UBAP2: variants seen among roughly 807,000 people sequenced by gnomAD.
The protein encoded by UBAP2 is ubiquitin-associated protein 2.
UBAP2 carries 75 observed loss-of-function variants against 139.6 expected under a neutral mutation model. The observed-to-expected ratio is 0.54, with a 90% CI of 0.45 to 0.65. The LOEUF is 0.65. Among genes scored for constraint, UBAP2 ranks in the 30% least tolerant of loss-of-function variants. UBAP2 has a pLI of 0.00. For missense variants in UBAP2, 1,368 were observed against 1,369.6 expected (o/e 1.00, Z 0.02); for synonymous variants, 526 against 526.2 (o/e 1.00, Z 0.01).
intron 8 of UBAP2, chr9:33,968,235 T>C (rs1300059065): frequency 1.4e-5 from 9 of 621,440 alleles, no homozygotes; most frequent in Middle Eastern, 2.7e-4. Context: ...AAACCCTCCA[T>C]TGTAAACAGG....
intron 2 of UBAP2, 145 bp from the exon 3 acceptor site, chr9:33,999,009 C>G (rs1822443770): frequency 3.5e-6 from 2 of 575,058 alleles, no homozygotes; most frequent in Middle Eastern, 2.8e-4. Context: ...GCCTCTCAAC[C>G]ATATATAACC....
At chr9:33,988,250 T>C (rs1197905533) in intron 5 of UBAP2, among the ~76,000 whole-genome samples, 1 of 152,236 alleles carries the variant, frequency 6.6e-6, no homozygotes, top group Non-Finnish European at 1.5e-5. Flanking sequence ...TATTCATTGC[T>C]GTATGCCTAT....
chr9:33,923,483 G>C lies in UBAP2; in HGVS notation c.2797-5C>G, dbSNP rs776067164. 62 of 1,613,856 alleles carry C rather than the reference G, an allele frequency of 3.8e-5. 2 individuals carry two copies. In the South Asian group the frequency reaches 4.4e-4, roughly 11 times the overall value. On this transcript the variant is annotated splice_polypyrimidine_tract_variant and splice_region_variant and intron_variant, in intron 24 of 28. Transcript: ENST00000379238. ...CTTGGCTGAGGCTGGAGGGACCTGG[G>C]GGGGCAAGCAGATGAGGTATTAGTG...
At chr9:34,044,359 C>T (rs943372758) in intron 1 of UBAP2, among the ~76,000 whole-genome samples, 13 of 151,724 alleles carry the variant, frequency 8.6e-5, no homozygotes, top group African/African-American at 3.1e-4. Context: ...CGAGATAGCG[C>T]CACTGCACTC....
intron 14 of UBAP2, 117 bp from the exon 15 acceptor site, chr9:33,943,706 GTGAGAAACAAGGAGA>G: frequency 1.1e-6 from 1 of 899,126 alleles, no homozygotes; most frequent in Non-Finnish European, 1.7e-6. Context: ...AGAAGAAGGA[GTGAGAAACAAGGAGA>G]AAATAGGCTA....
intron 15 of UBAP2, among the ~76,000 whole-genome samples, chr9:33,942,328 T>G (rs1398008228): frequency 1.3e-5 from 2 of 149,054 alleles, no homozygotes; most frequent in Non-Finnish European, 1.5e-5. Context: ...AGAAAAAAAA[T>G]AAGAAGATTC....
chr9:34,043,991 G>C (rs899933598), intron 1 of UBAP2, among the ~76,000 whole-genome samples: 1 of 150,584 alleles, frequency 6.6e-6, no homozygotes, highest in Non-Finnish European at 1.5e-5. Flanking sequence ...ATCAGAGCAC[G>C]GTGGCAGGCT....
intron 10 of UBAP2, among the ~76,000 whole-genome samples, chr9:33,958,485 A>T (rs997165269): frequency 6.6e-6 from 1 of 150,402 alleles, no homozygotes; most frequent in Non-Finnish European, 1.5e-5. Flanking sequence ...ATCTTGTCTC[A>T]CTGCAAGTGC....
intron 19 of UBAP2, among the ~76,000 whole-genome samples, chr9:33,930,958 G>C (rs1823928660): frequency 6.6e-6 from 1 of 151,100 alleles, no homozygotes; most frequent in African/African-American, 2.4e-5. Context: ...TATGCACTGC[G>C]TGTTTTGACT....
chr9:34,024,913 G>A (rs908365497), intron 1 of UBAP2, among the ~76,000 whole-genome samples: 1 of 152,020 alleles, frequency 6.6e-6, no homozygotes, highest in Non-Finnish European at 1.5e-5. Context: ...GAACCCGAGA[G>A]GCGGAGGTTG....
rs1824194532 is a variant in UBAP2 at position 33,933,592 on chromosome 9, G to A, written c.2006C>T (p.Ser669Phe). 2 of 1,613,934 alleles carry A rather than the reference G, an allele frequency of 1.2e-6. No individual in the cohort carries two copies. Among genetic ancestry groups the A allele is most frequent in the African/African-American group, 1.3e-5 (1 of 74,936 alleles). ...KTTGPPSALP[S>F]VSSLPSTTSC... ...GGTGGTGCTGGGCAGGGAGCTCACA[G>A]ACGGGAGGGCAGAGGGAGGGCCTGT... The change falls in exon 18 of 29, where the codon TCT becomes TTT. Residue 669 changes from serine (S) to phenylalanine (F), a missense_variant. Transcript: ENST00000379238.
intron 16 of UBAP2, chr9:33,938,953 G>A: frequency 1.1e-5 from 5 of 445,176 alleles, no homozygotes; most frequent in Non-Finnish European, 2.2e-5. Flanking sequence ...GGCTGTGGAA[G>A]GGGAAGAGAA....
At chr9:33,934,714 G>A (rs1237277973) in intron 17 of UBAP2, among the ~76,000 whole-genome samples, 1 of 152,206 alleles carries the variant, frequency 6.6e-6, no homozygotes, top group Non-Finnish European at 1.5e-5. Flanking sequence ...AAGTGAGGGA[G>A]AAGAGAGTAT....
chr9:33,935,868 CCAT>C lies in UBAP2; in HGVS notation c.1937_1939del (p.His646_Gly647delinsArg). The C allele has an allele frequency of 6.2e-7, 1 of 1,613,174 alleles. No homozygotes were observed. Among genetic ancestry groups the C allele is most frequent in the Non-Finnish European group, 8.5e-7 (1 of 1,179,822 alleles). On this transcript the variant is annotated inframe_deletion, in exon 17 of 29. Coordinates refer to ENST00000379238, the MANE Select transcript of UBAP2 (RefSeq NM_001370062.2). ...TAGTGTCTGCTGACTTCGACCACCA[CCAT>C]GTCCATTCTATAAGGAAAAGAAGAG...
chr9:34,034,426 G>T (rs1187435664), intron 1 of UBAP2, among the ~76,000 whole-genome samples: 3 of 152,096 alleles, frequency 2.0e-5, no homozygotes, highest in Non-Finnish European at 4.4e-5. Context: ...GTTACCTAAA[G>T]AATGTATCTA....
intron 4 of UBAP2, among the ~76,000 whole-genome samples, chr9:33,989,591 T>C (rs1286684269): frequency 6.6e-6 from 1 of 152,358 alleles, no homozygotes; most frequent in Admixed American, 6.5e-5. Flanking sequence ...ACTTTATTGA[T>C]GATGAAGGTA....
intron 24 of UBAP2, 117 bp downstream of exon 24, chr9:33,923,678 C>T (rs1823142846): frequency 1.7e-6 from 2 of 1,185,804 alleles, no homozygotes; most frequent in Admixed American, 1.8e-5. Flanking sequence ...TTTCTGAAGA[C>T]CAGGTAAGAC....
intron 1 of UBAP2, among the ~76,000 whole-genome samples, chr9:34,036,265 C>A (rs1234952713): frequency 1.3e-5 from 2 of 151,808 alleles, no homozygotes; most frequent in African/African-American, 4.8e-5. Flanking sequence ...TACAGGCACC[C>A]ACCGCCATGC....
chr9:34,030,718 T>C (rs1170101444), intron 1 of UBAP2, among the ~76,000 whole-genome samples: 1 of 151,408 alleles, frequency 6.6e-6, no homozygotes, highest in African/African-American at 2.4e-5. Flanking sequence ...CAAGGTCAGG[T>C]GATCGAGACC....
Sources: allele counts gnomAD v4.1 joint callset (sites outside exome capture counted in the v4.1 genomes callset), GRCh38; gene constraint gnomAD v4.1.1; transcripts MANE v1.5; gene names NCBI Gene and HGNC (gene_info 2026-07-23, HGNC 2026-07-21).